Variants in HIBCH observed in about 807,000 individuals in gnomAD.
HIBCH encodes 3-hydroxyisobutyryl-CoA hydrolase, mitochondrial.
In HIBCH, 50 loss-of-function variants were observed where a neutral mutation model predicts 58.2. The observed-to-expected ratio is 0.86, with a 90% CI of 0.68 to 1.09. HIBCH has a LOEUF of 1.09. HIBCH is among the 50% of genes least tolerant of loss of function. The probability of loss-of-function intolerance (pLI) is 0.00; values close to 1 mark genes in which losing one functional copy is unlikely to be tolerated. For synonymous variants in HIBCH, 151 were observed against 146.9 expected (o/e 1.03, Z -0.20); for missense variants, 450 against 449.7 (o/e 1.00, Z -0.01).
rs188233718 is a variant in HIBCH, at chr2:190,227,903, G to A, written c.892-14828C>T. On this transcript the variant is annotated intron_variant, in intron 11 of 13. Coordinates refer to ENST00000359678, the MANE Select transcript of HIBCH (RefSeq NM_014362.4). ...GACGATCATTAAAAAGTCAGGAAAC[G>A]ACAGGTGCTGAAGAGGAAGAGAAAC... Among the ~76,000 whole-genome samples, 383 of 152,282 alleles carry A rather than the reference G, an allele frequency of 2.5e-3. 5 individuals carry two copies. The highest frequency in any genetic ancestry group is 8.9e-3 in the African/African-American group (369 of 41,558).
At chr2:190,297,657 G>GT (rs1008894746) in intron 2 of HIBCH, among the ~76,000 whole-genome samples, 41 of 152,280 alleles carry the variant, frequency 2.7e-4, no homozygotes, top group Admixed American at 2.0e-4. Flanking sequence ...GTATTTTGCA[G>GT]TATTAACTAA....
intron 6 of HIBCH, among the ~76,000 whole-genome samples, chr2:190,271,425 G>T (rs1687399016): frequency 6.6e-6 from 1 of 151,670 alleles, no homozygotes; most frequent in African/African-American, 2.4e-5. Context: ...AGGTAGCTGG[G>T]ATTACAGGTG....
chr2:190,229,354 C>G (rs1164051444), intron 11 of HIBCH, among the ~76,000 whole-genome samples: 1 of 152,186 alleles, frequency 6.6e-6, no homozygotes, highest in Non-Finnish European at 1.5e-5. Flanking sequence ...CTATCCAACT[C>G]AAAGGAATGC....
At chr2:190,250,384 C>T (rs1374017666) in intron 8 of HIBCH, 1 of 470,108 alleles carries the variant, frequency 2.1e-6, no homozygotes, top group African/African-American at 2.0e-5. Context: ...CCATACTTTA[C>T]CTCTGCCAGA....
chr2:190,299,020 G>C (rs1160765451), intron 2 of HIBCH, among the ~76,000 whole-genome samples: 2 of 152,130 alleles, frequency 1.3e-5, no homozygotes, highest in African/African-American at 4.8e-5. Flanking sequence ...CCCATTGCTT[G>C]TTTTTGTCAG....
chr2:190,224,399 G>A (rs1392409883), intron 11 of HIBCH, among the ~76,000 whole-genome samples: 1 of 152,128 alleles, frequency 6.6e-6, no homozygotes, highest in African/African-American at 2.4e-5. Context: ...CATCTCATGT[G>A]CAGAGACACA....
intron 8 of HIBCH, chr2:190,250,162 T>A: frequency 3.1e-6 from 1 of 320,738 alleles, no homozygotes; most frequent in Non-Finnish European, 6.1e-6. Context: ...CAAACAGGAC[T>A]TTTTACTGTT....
intron 6 of HIBCH, among the ~76,000 whole-genome samples, chr2:190,272,617 C>T (rs931982663): frequency 3.9e-5 from 6 of 151,912 alleles, no homozygotes; most frequent in Non-Finnish European, 8.8e-5. Flanking sequence ...GAACCCAAAA[C>T]CTGACCAATA....
chr2:190,259,777 G>C (rs930937404), intron 7 of HIBCH, among the ~76,000 whole-genome samples: 2 of 152,114 alleles, frequency 1.3e-5, no homozygotes, highest in Non-Finnish European at 2.9e-5. Context: ...ATATATATAA[G>C]AGCATGTCAT....
At chr2:190,294,112 A>C (rs914382910) in intron 4 of HIBCH, among the ~76,000 whole-genome samples, 1 of 148,610 alleles carries the variant, frequency 6.7e-6, no homozygotes, top group Admixed American at 6.8e-5. Context: ...GGGATCTTGA[A>C]TAGTGGGAAG....
chr2:190,308,313 A>G (rs1166584175), intron 2 of HIBCH, among the ~76,000 whole-genome samples: 3 of 152,072 alleles, frequency 2.0e-5, no homozygotes, highest in Non-Finnish European at 4.4e-5. Context: ...TCCATGTATA[A>G]CAGCTGAATA....
intron 6 of HIBCH, among the ~76,000 whole-genome samples, chr2:190,262,011 A>G (rs1687099600): frequency 6.6e-6 from 1 of 152,172 alleles, no homozygotes; most frequent in Non-Finnish European, 1.5e-5. Flanking sequence ...GGTGAATTAG[A>G]TAAGGTTCTT....
At chr2:190,242,161 T>C (rs987141503) in intron 11 of HIBCH, among the ~76,000 whole-genome samples, 1 of 152,042 alleles carries the variant, frequency 6.6e-6, no homozygotes. Context: ...GTTCATTCTT[T>C]TTCATTCTCA....
At chr2:190,219,059 C>T (rs950904052) in intron 11 of HIBCH, among the ~76,000 whole-genome samples, 5 of 152,302 alleles carry the variant, frequency 3.3e-5, no homozygotes, top group African/African-American at 1.2e-4. Flanking sequence ...AACCTGTTAC[C>T]GTCCAACTGG....
At chr2:190,224,141 G>A (rs535919855) in intron 11 of HIBCH, among the ~76,000 whole-genome samples, 61 of 152,284 alleles carry the variant, frequency 4.0e-4, no homozygotes, top group African/African-American at 1.3e-3. Flanking sequence ...CCATGCCCAC[G>A]GAGCCTCACT....
chr2:190,319,650 G>T, intron 1 of HIBCH, 66 bp downstream of exon 1: 2 of 1,364,482 alleles, frequency 1.5e-6, no homozygotes, highest in Non-Finnish European at 2.1e-6. Flanking sequence ...TCCACCCCCG[G>T]CCCTTTTCCC....
chr2:190,235,035 A>G (rs995228316), intron 11 of HIBCH, among the ~76,000 whole-genome samples: 1 of 152,170 alleles, frequency 6.6e-6, no homozygotes, highest in Non-Finnish European at 1.5e-5. Context: ...TGTCATTACG[A>G]GACTGAGTGA....
intron 11 of HIBCH, among the ~76,000 whole-genome samples, chr2:190,242,859 T>C (rs927976160): frequency 2.0e-5 from 3 of 152,262 alleles, no homozygotes; most frequent in Non-Finnish European, 2.9e-5. Context: ...TGACTTCATA[T>C]TGGCATTTAA....
At chr2:190,201,681 C>G (rs907401207), downstream of HIBCH, 2 of 166,912 alleles carry the variant, frequency 1.2e-5, no homozygotes, top group African/African-American at 4.8e-5. Flanking sequence ...GTTTTCGTTG[C>G]CTTTGGACAC....
Sources: gnomAD v4.1 joint callset for allele counts (sites outside exome capture counted in the v4.1 genomes callset) on GRCh38, gnomAD v4.1.1 for gene constraint, MANE v1.5 for transcripts, NCBI Gene and HGNC (gene_info 2026-07-23, HGNC 2026-07-21) for gene names.